The following MAP4 variants were observed in gnomAD, a reference collection of about 807,000 sequenced individuals.
The protein encoded by MAP4 is microtubule associated protein 4.
Under a neutral mutation model 170.2 loss-of-function variants are expected in MAP4, and 76 were observed. The ratio of observed to expected loss-of-function variants is 0.45; its 90% confidence interval spans 0.37 to 0.54. The LOEUF (loss-of-function observed/expected upper bound fraction) is 0.54. Among genes scored for constraint, MAP4 ranks in the 20% least tolerant of loss-of-function variants. The pLI is 0.00. For missense variants in MAP4, 2,506 were observed against 2,748.0 expected, an observed-to-expected ratio of 0.91 and a Z score of 1.97; for synonymous variants, 909 against 994.5, an observed-to-expected ratio of 0.91 and a Z score of 1.62.
intron 10 of MAP4, chr3:47,891,517 T>C: frequency 6.6e-7 from 1 of 1,515,272 alleles, no homozygotes; most frequent in Non-Finnish European, 8.8e-7. Context: ...AAGGCTCTTC[T>C]CGGGCAGGGA....
intron 1 of MAP4, among the ~76,000 whole-genome samples, chr3:48,052,282 C>T (rs925732486): frequency 4.6e-5 from 7 of 152,238 alleles, no homozygotes; most frequent in East Asian, 1.9e-4. Context: ...AGTGCGGTGG[C>T]GCGATCTTGG....
intron 1 of MAP4, among the ~76,000 whole-genome samples, chr3:48,080,901 G>T (rs1462718002): frequency 6.6e-6 from 1 of 152,254 alleles, no homozygotes; most frequent in African/African-American, 2.4e-5. Flanking sequence ...AAGGTGGGCA[G>T]ATCACGAAGT....
intron 1 of MAP4, among the ~76,000 whole-genome samples, chr3:48,073,022 G>C (rs895324226): frequency 1.3e-5 from 2 of 149,778 alleles, no homozygotes; most frequent in Non-Finnish European, 3.0e-5. Context: ...CTTGAGGTCA[G>C]GAGTTGGAGA....
At chr3:47,854,243 G>A (rs538744698) in intron 19 of MAP4, among the ~76,000 whole-genome samples, 1 of 152,242 alleles carries the variant, frequency 6.6e-6, no homozygotes, top group African/African-American at 2.4e-5. Flanking sequence ...TTGGAAAAGA[G>A]ACTAAAGCCA....
intron 8 of MAP4, among the ~76,000 whole-genome samples, chr3:47,913,370 A>G (rs1196609350): frequency 1.3e-5 from 2 of 152,198 alleles, no homozygotes; most frequent in Admixed American, 6.5e-5. Flanking sequence ...TCTAAATCCT[A>G]GCCTTTGTTT....
chr3:47,899,190 A>C (rs1478095729), intron 10 of MAP4, among the ~76,000 whole-genome samples: 1 of 152,254 alleles, frequency 6.6e-6, no homozygotes, highest in Non-Finnish European at 1.5e-5. Flanking sequence ...AAACACACTT[A>C]AGAACCAGAA....
At chr3:48,060,759 AAAT>A (rs985828148) in intron 1 of MAP4, among the ~76,000 whole-genome samples, 3 of 152,078 alleles carry the variant, frequency 2.0e-5, no homozygotes, top group Non-Finnish European at 4.4e-5. Context: ...ACAAAAAAAA[AAAT>A]AATAATAATA....
chr3:47,917,502 C>T (rs916972685), intron 6 of MAP4, among the ~76,000 whole-genome samples: 11 of 150,182 alleles, frequency 7.3e-5, no homozygotes, highest in Admixed American at 1.3e-4. Flanking sequence ...AGGAGAATTG[C>T]TAGAACCCAG....
intron 3 of MAP4, among the ~76,000 whole-genome samples, chr3:47,976,463 A>G (rs2100082245): frequency 3.3e-5 from 5 of 152,190 alleles, no homozygotes; most frequent in Admixed American, 1.3e-4. Context: ...AATCAAGTCA[A>G]TCCCCTCCAG....
intron 17 of MAP4, 73 bp from the exon 18 acceptor site, chr3:47,857,585 AAATC>A: frequency 9.9e-7 from 1 of 1,012,350 alleles, no homozygotes; most frequent in Non-Finnish European, 1.6e-6. Context: ...GCTACCTTTT[AAATC>A]TTCTCCATGT....
At chr3:48,026,925 T>C (rs1334715367) in intron 1 of MAP4, among the ~76,000 whole-genome samples, 1 of 152,110 alleles carries the variant, frequency 6.6e-6, no homozygotes, top group Non-Finnish European at 1.5e-5. Flanking sequence ...ACCCTACATA[T>C]CAATACAGCT....
At chr3:47,898,054 GA>G (rs1490424223) in intron 10 of MAP4, among the ~76,000 whole-genome samples, 1 of 152,074 alleles carries the variant, frequency 6.6e-6, no homozygotes, top group Non-Finnish European at 1.5e-5. Context: ...AGTCTTAAGA[GA>G]ACTTAGATTT....
chr3:47,909,815 A>T lies in MAP4; in HGVS notation c.4606T>A (p.Ser1536Thr), dbSNP rs762053371. The change falls in exon 9 of 21, where the codon TCC becomes ACC. Residue 1536 changes from serine to threonine, a missense_variant. By Grantham distance (58) the Ser-to-Thr change is moderately conservative. This residue lies in a region of MAP4 where 2,008 missense variants were observed against 2,206.0 expected (regional missense o/e 0.91). Coordinates refer to ENST00000683076, the MANE Select transcript of MAP4 (RefSeq NM_001385682.1). ...SLKNKAELAD[S>T]MKNEAGIDEG... The stretch of plus-strand genomic sequence containing the variant: ...TCGATCCCTGCTTCATTTTTCATGG[A>T]ATCAGCAAGCTCAGCTTTATTCTTA... 40 of 1,613,910 alleles carry T rather than the reference A, an allele frequency of 2.5e-5. No homozygotes were observed. Among genetic ancestry groups the T allele is most frequent in the Non-Finnish European group, 3.1e-5 (37 of 1,179,906 alleles).
At chr3:47,905,104 C>T (rs950221210) in intron 9 of MAP4, among the ~76,000 whole-genome samples, 1 of 152,082 alleles carries the variant, frequency 6.6e-6, no homozygotes, top group Non-Finnish European at 1.5e-5. Flanking sequence ...ATGAATGATT[C>T]AAAGTGAGGA....
chr3:47,871,136 G>A (rs1199728320), intron 14 of MAP4, 31 bp from the exon 15 acceptor site: 1 of 1,610,958 alleles, frequency 6.2e-7, no homozygotes, highest in Non-Finnish European at 8.5e-7. Context: ...GATAACACGG[G>A]TTCAGGGAGA....
rs67709674 is a variant in MAP4, at chr3:48,048,506, CTTTTTTTTT to C, written c.-20+40258_-20+40266del. On this transcript the variant is annotated intron_variant, in intron 1 of 18. Coordinates refer to the MAP4 transcript ENST00000360240. ...TCAGGTAGATCCAGATCTCAATTAT[CTTTTTTTTT>C]TTTTTTTTTTTTTTTTTTTGAGACA... 6.1e-3 allele frequency among the ~76,000 whole-genome samples: 407 copies of C among 67,018 alleles called. 1 individual carries two copies. Among genetic ancestry groups the C allele is most frequent in the African/African-American group, 0.025 (365 of 14,536 alleles). The allele number at this position is 67,018 out of a possible 152,430, so 44.0% of individuals were successfully genotyped here. A position where few individuals can be genotyped will look rare whatever the true frequency, so the allele number is the denominator to read the frequency against.
chr3:47,965,444 A>G (rs989983819), intron 3 of MAP4, among the ~76,000 whole-genome samples: 1 of 152,176 alleles, frequency 6.6e-6, no homozygotes, highest in Admixed American at 6.5e-5. Context: ...ATCTTACAAT[A>G]ATTCTGTTTT....
chr3:47,931,497 A>G (rs1250916890), intron 3 of MAP4, among the ~76,000 whole-genome samples: 5 of 151,820 alleles, frequency 3.3e-5, no homozygotes, highest in Non-Finnish European at 7.4e-5. Flanking sequence ...TTTGTTGTTG[A>G]GACAGGGTCT....
At chr3:48,086,036 A>G (rs1449472318) in intron 1 of MAP4, among the ~76,000 whole-genome samples, 1 of 151,964 alleles carries the variant, frequency 6.6e-6, no homozygotes, top group Non-Finnish European at 1.5e-5. Context: ...TGGGCAACAG[A>G]GTAAGACTCC....
Sources: allele counts gnomAD v4.1 joint callset (sites outside exome capture counted in the v4.1 genomes callset), GRCh38; gene constraint gnomAD v4.1.1; regional missense constraint gnomAD v4.1.1; transcripts MANE v1.5; gene names NCBI Gene and HGNC (gene_info 2026-07-23, HGNC 2026-07-21).